SLC35D1: variants seen among roughly 807,000 people sequenced by gnomAD.
SLC35D1 encodes the protein nucleotide sugar transporter SLC35D1.
Under a neutral mutation model 46.7 loss-of-function variants are expected in SLC35D1, and 31 were observed. The observed-to-expected ratio is 0.66, with a 90% CI of 0.50 to 0.90. The LOEUF is 0.90. Among genes scored for constraint, SLC35D1 ranks in the 40% least tolerant of loss-of-function variants. The pLI is 0.00. For missense variants in SLC35D1, 397 were observed against 426.2 expected (o/e 0.93, Z 0.60); for synonymous variants, 195 against 164.6 (o/e 1.18, Z -1.41).
At chr1:67,019,057 A>C (rs1558153961) in intron 10 of SLC35D1, among the ~76,000 whole-genome samples, 1 of 152,204 alleles carries the variant, frequency 6.6e-6, no homozygotes, top group Non-Finnish European at 1.5e-5. Context: ...CATATATCAA[A>C]AGGAAAGTAT....
At chr1:67,010,032 C>T (rs567797793) in intron 10 of SLC35D1, among the ~76,000 whole-genome samples, 33 of 152,292 alleles carry the variant, frequency 2.2e-4, no homozygotes, top group Non-Finnish European at 4.1e-4. Context: ...ATGTCCTTTG[C>T]AGCAACACGG....
intron 7 of SLC35D1, among the ~76,000 whole-genome samples, chr1:67,043,884 G>GA (rs1645222055): frequency 6.6e-6 from 1 of 152,222 alleles, no homozygotes; most frequent in Admixed American, 6.5e-5. Context: ...GCCAGGGTTT[G>GA]AGAGGTGGGA....
chr1:67,053,562 A>C (rs925764999), intron 1 of SLC35D1, among the ~76,000 whole-genome samples: 2 of 152,064 alleles, frequency 1.3e-5, no homozygotes, highest in African/African-American at 4.8e-5. Flanking sequence ...CGCCCAGGGC[A>C]TGGCAGGCGA....
chr1:67,004,401 T>G lies in SLC35D1; in HGVS notation c.1007A>C (p.Gln336Pro), dbSNP rs200622288. 1.5e-4 allele frequency: 238 copies of G among 1,614,110 alleles called. 4 individuals are homozygous for G. In the South Asian group the frequency reaches 2.4e-3, roughly 16 times the overall value. The change falls in exon 12 of 12, where the codon CAG becomes CCG. Residue 336 changes from glutamine (Q) to proline (P), a missense_variant. Transcript: ENST00000235345. Reference sequence around the variant, plus strand: ...ATTAGCCTCTGACTGTTTGCTCAGCTGCTCTTCAGTGAAAGTGATATAGGA... The same window carrying G: ...ATTAGCCTCTGACTGTTTGCTCAGCGGCTCTTCAGTGAAAGTGATATAGGA... The part of the protein sequence containing the change: ...VYSYITFTEE[Q>P]LSKQSEANNK...
At position 67,021,738 on chromosome 1, in the gene SLC35D1, C is replaced by T. The variant is rs941402515; in HGVS notation, c.730-136G>A. On this transcript the variant is annotated intron_variant, in intron 8 of 11. Transcript: ENST00000235345. ...ACACAGACACAGACACACACACACA[C>T]ACACACACACACACACACACAGGTA... 4 of 701,532 alleles carry T rather than the reference C, an allele frequency of 5.7e-6. 1 individual carries two copies. Among genetic ancestry groups the T allele is most frequent in the African/African-American group, 5.3e-5 (3 of 56,966 alleles). 43.5% of individuals were successfully genotyped at this position (701,532 alleles called of 1,614,324 possible). A position where few individuals can be genotyped will look rare whatever the true frequency, so the allele number is the denominator to read the frequency against.
intron 7 of SLC35D1, among the ~76,000 whole-genome samples, chr1:67,044,347 A>C (rs1229149760): frequency 6.6e-6 from 1 of 150,806 alleles, no homozygotes; most frequent in Non-Finnish European, 1.5e-5. Flanking sequence ...AAAAAAAAAA[A>C]ACCCCGAAGG....
At chr1:66,978,808 G>A in the SLC35D1 span, among the ~76,000 whole-genome samples, 321 of 152,238 alleles carry the variant, frequency 2.1e-3, 3 homozygotes, top group Middle Eastern at 3.4e-3. Context: ...GGCTTAGTTG[G>A]TCCTCTGTGA....
chr1:67,034,031 A>G (rs1193203945), intron 8 of SLC35D1, among the ~76,000 whole-genome samples: 1 of 152,104 alleles, frequency 6.6e-6, no homozygotes, highest in Non-Finnish European at 1.5e-5. Context: ...ATTCAGACAC[A>G]TAGATTTCAC....
At chr1:67,042,471 G>C (rs1254078871) in intron 7 of SLC35D1, 143 bp from the exon 8 acceptor site, 2 of 789,228 alleles carry the variant, frequency 2.5e-6, no homozygotes, top group Non-Finnish European at 4.4e-6. Flanking sequence ...AATTAAGTTA[G>C]AAGTTTTGCA....
At chr1:66,973,955 A>G in the SLC35D1 span, among the ~76,000 whole-genome samples, 1 of 151,946 alleles carries the variant, frequency 6.6e-6, no homozygotes, top group Non-Finnish European at 1.5e-5. Context: ...CTCTTTTTAT[A>G]CATTTGGATG....
chr1:67,049,296 A>T (rs1645284069), intron 6 of SLC35D1, among the ~76,000 whole-genome samples: 1 of 151,532 alleles, frequency 6.6e-6, no homozygotes, highest in African/African-American at 2.4e-5. Flanking sequence ...TCCGTCTCAA[A>T]AAAAAAAAAA....
At chr1:66,987,921 C>T in the SLC35D1 span, 1 of 133,742 alleles carries the variant, frequency 7.5e-6, no homozygotes, top group African/African-American at 4.2e-5. Flanking sequence ...TCCATTCACT[C>T]TGTTTCTCTT....
intron 10 of SLC35D1, among the ~76,000 whole-genome samples, chr1:67,019,214 C>A (rs760454401): frequency 1.3e-5 from 2 of 152,154 alleles, no homozygotes; most frequent in African/African-American, 2.4e-5. Flanking sequence ...AAAAACATGG[C>A]CTATTTCTCA....
chr1:67,035,828 G>T (rs1263933379), intron 8 of SLC35D1, among the ~76,000 whole-genome samples: 2 of 136,430 alleles, frequency 1.5e-5, no homozygotes, highest in Admixed American at 7.6e-5. Context: ...TTTTGATGTA[G>T]GCATTTACAG....
chr1:67,049,552 A>T (rs1014275296), intron 6 of SLC35D1, among the ~76,000 whole-genome samples: 2 of 152,256 alleles, frequency 1.3e-5, no homozygotes, highest in African/African-American at 4.8e-5. Context: ...AACGACAGTA[A>T]CAAATTCTAA....
chr1:66,973,242 A>G, the SLC35D1 span, among the ~76,000 whole-genome samples: 1 of 152,078 alleles, frequency 6.6e-6, no homozygotes, highest in Non-Finnish European at 1.5e-5. Flanking sequence ...CATGTTAATC[A>G]ACTTCTAGTT....
Position 67,049,880 on chromosome 1 carries a change from CAT to C in SLC35D1, c.465-32_465-31del, listed in dbSNP as rs3048488. On this transcript the variant is annotated intron_variant, in intron 5 of 11. Transcript: ENST00000235345. The stretch of plus-strand genomic sequence containing the variant: ...AAAACAAAAAATTTTAAAATACACA[CAT>C]GACTTTATTCCCACACTCATTTTAC... 0.036 allele frequency: 54,350 copies of C among 1,509,792 alleles called. 2,214 individuals carry two copies. The highest frequency in any genetic ancestry group is 0.22 in the East Asian group (9,722 of 44,046). 93.5% of individuals were successfully genotyped at this position (1,509,792 alleles called of 1,614,324 possible).
At chr1:67,018,258 G>GATGTTGC (rs1667725833) in intron 10 of SLC35D1, among the ~76,000 whole-genome samples, 2 of 152,118 alleles carry the variant, frequency 1.3e-5, no homozygotes, top group Non-Finnish European at 1.5e-5. Flanking sequence ...TAACAACAAG[G>GATGTTGC]CTAGCAGGCA....
chr1:66,986,738 G>A, the SLC35D1 span: 2 of 334,414 alleles, frequency 6.0e-6, no homozygotes, highest in Non-Finnish European at 1.1e-5. Flanking sequence ...GAAGTGTTGA[G>A]AAGTATGAGT....
Sources: gnomAD v4.1 joint callset for allele counts (sites outside exome capture counted in the v4.1 genomes callset) on GRCh38, gnomAD v4.1.1 for gene constraint, MANE v1.5 for transcripts, NCBI Gene and HGNC (gene_info 2026-07-23, HGNC 2026-07-21) for gene names.